The following ESPN variants were observed in gnomAD, a reference collection of about 807,000 sequenced individuals.
ESPN encodes espin.
A neutral mutation model predicts 77.7 loss-of-function variants in ESPN; 68 were observed. The ratio of observed to expected loss-of-function variants is 0.87; its 90% CI spans 0.72 to 1.07. The LOEUF is 1.07. Ranked by LOEUF, ESPN falls within the 50% of genes least tolerant of loss-of-function variation. ESPN has a pLI of 0.00. For synonymous variants in ESPN, 449 were observed against 567.1 expected (o/e 0.79, Z 2.96); for missense variants, 1,060 against 1,239.0 (o/e 0.86, Z 2.17).
chr1:6,444,529 G>T lies in ESPN; in HGVS notation c.1039G>T (p.Ala347Ser). The change falls in exon 6 of 13, where the codon GCT becomes TCT. Residue 347 changes from alanine (A) to serine (S), a missense_variant. Ala to Ser is a moderately conservative substitution (Grantham distance 99). This residue lies in a region of ESPN where 556 missense variants were observed against 633.6 expected (regional missense o/e 0.88). Transcript: ENST00000645284. ...CCGGGATCCATCCGCAGAGCTGGAG[G>T]CTAAGCAGCCGGATTCAGGCATGTC... ...LSRDPSAELE[A>S]KQPDSGMSSP... 6.2e-7 allele frequency: 1 copy of T among 1,614,232 alleles called. No homozygotes were observed. The highest frequency in any genetic ancestry group is 2.2e-5 in the East Asian group (1 of 44,878).
chr1:6,425,998 G>C (rs376197800), intron 1 of ESPN, among the ~76,000 whole-genome samples: 3 of 152,250 alleles, frequency 2.0e-5, no homozygotes, highest in South Asian at 2.1e-4. Context: ...CAGAGTGGGT[G>C]AGGAAGGGAA....
chr1:6,452,089 G>A lies in ESPN; in HGVS notation c.2318G>A (p.Arg773Lys), dbSNP rs1181458634. Reference sequence around the variant, plus strand: ...AAGATGCAGGAGGAGGAGGAGCAGAGGCGGAAGGTGGGTGGGGCGGGGTGC... The same window carrying A: ...AAGATGCAGGAGGAGGAGGAGCAGAAGCGGAAGGTGGGTGGGGCGGGGTGC... ...QLKMQEEEEQ[R>K]RKEEEEEARL... The change falls in exon 10 of 13, where the codon AGG becomes AAG. Residue 773 changes from arginine to lysine, a missense_variant. Around this residue, in one of 3 missense-constraint regions of ESPN, gnomAD observed 374 missense variants for 381.4 expected, o/e 0.98. Coordinates refer to ENST00000645284, the MANE Select transcript of ESPN (RefSeq NM_031475.3). 2 of 1,544,122 alleles carry A rather than the reference G, an allele frequency of 1.3e-6. No homozygotes were observed.
At chr1:6,453,555 G>C (rs199965036) in intron 10 of ESPN, among the ~76,000 whole-genome samples, 2 of 152,344 alleles carry the variant, frequency 1.3e-5, no homozygotes, top group East Asian at 3.9e-4. Context: ...GTCTGGAAGT[G>C]AGAGTGGATG....
chr1:6,427,591 AGGGGCGAGAACACAGGCTGCTCCT>A lies in ESPN; in HGVS notation c.295-633_295-610del, dbSNP rs1643086004. On this transcript the variant is annotated intron_variant, in intron 1 of 12. Transcript: ENST00000645284. This position sits in a 1 kb window ranked among gnomAD's most constrained non-coding sequence, Gnocchi z 4.6. Reference sequence around the variant, plus strand: ...AGTACCCAGCAACTTCCACCTCCACAGGGGCGAGAACACAGGCTGCTCCTGTGGCTGGGCACTGGCGAGTCTGCT... The same window carrying A: ...AGTACCCAGCAACTTCCACCTCCACAGTGGCTGGGCACTGGCGAGTCTGCT... Among the ~76,000 whole-genome samples, 1 of 152,092 alleles carries A rather than the reference AGGGGCGAGAACACAGGCTGCTCCT, an allele frequency of 6.6e-6. No individual in the cohort carries two copies. The highest frequency in any genetic ancestry group is 1.5e-5 in the Non-Finnish European group (1 of 67,990).
rs1643099300 is a variant in ESPN, at chr1:6,427,940, T to C, written c.295-286T>C. Among the ~76,000 whole-genome samples, 1 of 152,220 alleles carries C rather than the reference T, an allele frequency of 6.6e-6. No individual in the cohort carries two copies. Among genetic ancestry groups the C allele is most frequent in the Non-Finnish European group, 1.5e-5 (1 of 68,026 alleles). The stretch of plus-strand genomic sequence containing the variant: ...CCGTGACAACCAGGTGCCTGTCGTG[T>C]AGGCAGCTCGCAGTCAGGACCTGCA... On this transcript the variant is annotated intron_variant, in intron 1 of 12. Transcript: ENST00000645284. This position sits in a 1 kb window ranked among gnomAD's most constrained non-coding sequence, Gnocchi z 4.6.
At chr1:6,455,878 C>T (rs545558900) in intron 10 of ESPN, 17 of 398,938 alleles carry the variant, frequency 4.3e-5, no homozygotes, top group African/African-American at 3.3e-4. Flanking sequence ...GAGGCTGAGC[C>T]GGCCCCCGAA....
chr1:6,445,713 G>C lies in ESPN; in HGVS notation c.1242G>C (p.Leu414=). The C allele has an allele frequency of 5.0e-6, 8 of 1,612,176 alleles. No individual in the cohort carries two copies. Among genetic ancestry groups the C allele is most frequent in the Non-Finnish European group, 6.8e-6 (8 of 1,179,810 alleles). Residue 414 remains leucine (L), a synonymous_variant, in exon 7 of 13, where the codon CTG becomes CTC. Coordinates refer to ENST00000645284, the MANE Select transcript of ESPN (RefSeq NM_031475.3). ...AADIQSYMDM[L]NPELGLPRGT... is the part of the protein sequence containing the mutation. ...ACATACAGAGCTACATGGACATGCT[G>C]AACCCGGAGCTGGGCCTGCCTCGGG... is the stretch of plus-strand genomic sequence containing the variant.
Position 6,452,643 on chromosome 1 carries a change from C to CT in ESPN, c.2325+547_2325+548insT, listed in dbSNP as rs571297749. Reference sequence around the variant, plus strand: ...AGGAGGTCTGGGCGGGGCTGAGGCTCGCATTTCTAGCCAGCTCCTGGGTGA... The same window carrying CT: ...AGGAGGTCTGGGCGGGGCTGAGGCTCTGCATTTCTAGCCAGCTCCTGGGTGA... On this transcript the variant is annotated intron_variant, in intron 10 of 12. Coordinates refer to ENST00000645284, the MANE Select transcript of ESPN (RefSeq NM_031475.3). Among the ~76,000 whole-genome samples the CT allele has an allele frequency of 6.4e-4, 98 of 152,290 alleles. 1 individual carries two copies. Among genetic ancestry groups the CT allele is most frequent in the African/African-American group, 2.2e-3 (90 of 41,574 alleles).
At chr1:6,461,223 G>C (rs1258204057), downstream of ESPN, 2 of 736,998 alleles carry the variant, frequency 2.7e-6, no homozygotes, top group East Asian at 2.7e-5. This position sits in a 1 kb window ranked among gnomAD's most constrained non-coding sequence, Gnocchi z 6.3. Flanking sequence ...GAGAAGTTGA[G>C]AAATGTCTTC....
Position 6,460,116 on chromosome 1 carries a change from C to A in ESPN, c.2535C>A (p.Ile845=), listed in dbSNP as rs890749414. The change falls in exon 13 of 13, where the codon ATC becomes ATA. Residue 845 remains isoleucine (I), a synonymous_variant. Coordinates refer to ENST00000645284, the MANE Select transcript of ESPN (RefSeq NM_031475.3). ...TGGCGCCCTGGCAGCGACAGGTCATCCTGAAGAAGGGGGACATCGCTAAGT... is the reference window on the plus strand; with the variant it reads ...TGGCGCCCTGGCAGCGACAGGTCATACTGAAGAAGGGGGACATCGCTAAGT... ...SKLAPWQRQV[I]LKKGDIAKY The A allele has an allele frequency of 1.2e-6, 2 of 1,612,988 alleles. No homozygotes were observed. Among genetic ancestry groups the A allele is most frequent in the Non-Finnish European group, 1.7e-6 (2 of 1,180,026 alleles).
Position 6,425,064 on chromosome 1 carries a change from G to T in ESPN, c.109G>T (p.Ala37Ser), listed in dbSNP as rs1035697510. The change falls in exon 1 of 13, where the codon GCG (alanine) becomes TCG (serine). Residue 37 changes from alanine (A) to serine (S), a missense_variant. Transcript: ENST00000645284. ...GCCCTCGCTGCGCGACCCGCTGGAC[G>T]CGCTGCCCGTGCACCACGCGGCCCG... ...LGPSLRDPLD[A>S]LPVHHAARAG... The T allele has an allele frequency of 6.8e-7, 1 of 1,473,284 alleles. No homozygotes were observed. The highest frequency in any genetic ancestry group is 1.5e-5 in the African/African-American group (1 of 67,878). 91.3% of individuals were successfully genotyped at this position (1,473,284 alleles called of 1,614,324 possible).
chr1:6,448,245 A>T (rs958435551), intron 7 of ESPN: 1 of 160,382 alleles, frequency 6.2e-6, no homozygotes, highest in Non-Finnish European at 1.4e-5. Context: ...AGCCCTGGGG[A>T]CCCGCAGTCC....
In ESPN at chr1:6,457,274, G is replaced by A; in HGVS notation, c.2405+11G>A. 2.5e-6 allele frequency: 4 copies of A among 1,614,182 alleles called. No individual in the cohort carries two copies. The highest frequency in any genetic ancestry group is 3.4e-6 in the Non-Finnish European group (4 of 1,179,986). On this transcript the variant is annotated intron_variant, in intron 11 of 12. Coordinates refer to ENST00000645284, the MANE Select transcript of ESPN (RefSeq NM_031475.3). ...GCTGGAAGAAGAGAGGTGAGCTGGG[G>A]GTCAGGCAGAGGCTGGCCTGGCAGG...
chr1:6,450,511 G>T lies in ESPN; in HGVS notation c.1916-1092G>T. On this transcript the variant is annotated intron_variant, in intron 8 of 12. Coordinates refer to ENST00000645284, the MANE Select transcript of ESPN (RefSeq NM_031475.3). This position sits in a 1 kb window ranked among gnomAD's most constrained non-coding sequence, Gnocchi z 4.3. ...CGCGGCTCCTGGCTGAGGCTGAGGC[G>T]CGGGGTGGGGGGAAGAGGCAGGAAA... 1 of 946,940 alleles carries T rather than the reference G, an allele frequency of 1.1e-6. No homozygotes were observed. The highest frequency in any genetic ancestry group is 1.3e-6 in the Non-Finnish European group (1 of 794,424). 58.7% of individuals were successfully genotyped at this position (946,940 alleles called of 1,614,324 possible). A position where few individuals can be genotyped will look rare whatever the true frequency, so the allele number is the denominator to read the frequency against.
At position 6,445,804 on chromosome 1, in the gene ESPN, G is replaced by A; in HGVS notation, c.1333G>A (p.Gly445Ser). The A allele has an allele frequency of 8.6e-6, 5 of 579,500 alleles. No individual in the cohort carries two copies. The South Asian group carries it at 1.7e-4, about 20-fold the overall frequency. 35.9% of individuals were successfully genotyped at this position (579,500 alleles called of 1,614,324 possible). A position where few individuals can be genotyped will look rare whatever the true frequency, so the allele number is the denominator to read the frequency against. ...CTTCCCCCCGCCACCCCCGCCCCCA[G>A]GCACCCAACTGCCCCCACCCCCACC... ...PSFPPPPPPP[G>S]TQLPPPPPGY... is the part of the protein sequence containing the mutation. The change falls in exon 7 of 13, where the codon GGC (glycine) becomes AGC (serine). Residue 445 changes from glycine to serine, a missense_variant. Physicochemically the swap from Gly to Ser is moderately conservative, Grantham distance 56 (BLOSUM62 0). Coordinates refer to ENST00000645284, the MANE Select transcript of ESPN (RefSeq NM_031475.3).
intron 12 of ESPN, among the ~76,000 whole-genome samples, chr1:6,458,910 G>A (rs1644101725): frequency 6.9e-6 from 1 of 145,722 alleles, no homozygotes; most frequent in Non-Finnish European, 1.5e-5. Flanking sequence ...TCTAGCCTGG[G>A]CAACAGAGTG....
Position 6,451,496 on chromosome 1 carries a change from G to A in ESPN, c.1916-107G>A, listed in dbSNP as rs2148537976. On this transcript the variant is annotated intron_variant, in intron 8 of 12. Transcript: ENST00000645284. This position sits in a 1 kb window ranked among gnomAD's most constrained non-coding sequence, Gnocchi z 4.3. ...AGCTGCCCGCTGGCCCGGAGGATGG[G>A]CACCCATCCAATCTTGGCTTAGGAA... 2 of 1,474,468 alleles carry A rather than the reference G, an allele frequency of 1.4e-6. No homozygotes were observed. The highest frequency in any genetic ancestry group is 1.9e-6 in the Non-Finnish European group (2 of 1,078,444). 91.3% of individuals were successfully genotyped at this position (1,474,468 alleles called of 1,614,324 possible).
chr1:6,454,285 C>A (rs988866731), intron 10 of ESPN: 1 of 397,256 alleles, frequency 2.5e-6, no homozygotes, highest in African/African-American at 2.1e-5. Context: ...GCGTCACCCC[C>A]CGCCGGCCAG....
At chr1:6,453,692 G>A (rs1643994761) in intron 10 of ESPN, among the ~76,000 whole-genome samples, 2 of 152,182 alleles carry the variant, frequency 1.3e-5, no homozygotes. Context: ...GGGGAGCCGG[G>A]TGCGGGGAGT....
Sources: allele counts gnomAD v4.1 joint callset (sites outside exome capture counted in the v4.1 genomes callset), GRCh38; gene constraint gnomAD v4.1.1; regional missense constraint gnomAD v4.1.1; non-coding constraint Gnocchi (gnomAD v3.1); transcripts MANE v1.5; gene names NCBI Gene and HGNC (gene_info 2026-07-23, HGNC 2026-07-21).